TDRD10: variants seen among roughly 807,000 people sequenced by gnomAD.
TDRD10 encodes tudor domain-containing protein 10.
Under a neutral mutation model 48.0 loss-of-function variants are expected in TDRD10, and 40 were observed. That is an observed-to-expected ratio of 0.83 (90% CI 0.65 to 1.09). TDRD10 has a LOEUF of 1.09. TDRD10 is among the 50% of genes least tolerant of loss of function. TDRD10 has a pLI of 0.00. For missense variants in TDRD10, 378 were observed against 434.7 expected, an observed-to-expected ratio of 0.87 and a Z score of 1.16; for synonymous variants, 162 against 170.4, an observed-to-expected ratio of 0.95 and a Z score of 0.38.
chr1:154,529,153 C>G (rs371624372), intron 6 of TDRD10, among the ~76,000 whole-genome samples: 1 of 152,054 alleles, frequency 6.6e-6, no homozygotes, highest in Non-Finnish European at 1.5e-5. Context: ...AATCTCAGCT[C>G]GCTGCAACCT....
intron 8 of TDRD10, among the ~76,000 whole-genome samples, chr1:154,543,708 C>T (rs1695378929): frequency 6.6e-6 from 1 of 152,152 alleles, no homozygotes; most frequent in South Asian, 2.1e-4. Context: ...TTTTGTTTCC[C>T]TCTGCTGCTT....
At chr1:154,528,711 G>A (rs1373234421) in intron 6 of TDRD10, among the ~76,000 whole-genome samples, 3 of 152,018 alleles carry the variant, frequency 2.0e-5, no homozygotes, top group Non-Finnish European at 2.9e-5. Flanking sequence ...AGCTACTCGG[G>A]AAGCTGAGGC....
In TDRD10 at chr1:154,542,774, G is replaced by A. The variant is rs141912752; in HGVS notation, c.456G>A (p.Glu152=). 3.1e-6 allele frequency: 5 copies of A among 1,613,868 alleles called. No individual in the cohort carries two copies. The highest frequency in any genetic ancestry group is 2.2e-5 in the East Asian group (1 of 44,900). Residue 152 remains glutamate, a synonymous_variant, in exon 8 of 13, where the codon GAG becomes GAA. Coordinates refer to ENST00000368482, the MANE Select transcript of TDRD10 (RefSeq NM_182499.4). The stretch of plus-strand genomic sequence containing the variant: ...CTAAAGCTCCTGTTGACCTGTGTGA[G>A]ACAGAGAAACTGAGGGCAGCCTTCT... The part of the protein sequence containing the change: ...LAPKAPVDLC[E]TEKLRAAFFA...
chr1:154,508,528 T>A, intron 4 of TDRD10, 47 bp downstream of exon 4: 1 of 1,256,398 alleles, frequency 8.0e-7, no homozygotes, highest in East Asian at 2.3e-5. Context: ...GGCCTTCCCA[T>A]ATGACTTAGT....
At position 154,507,238 on chromosome 1, in the gene TDRD10, C is replaced by T. The variant is rs1693196726; in HGVS notation, c.3-3C>T. The stretch of plus-strand genomic sequence containing the variant: ...GTTCGATGCTGACACCTGTGTTTGA[C>T]AGGTCCTGGAACATTAGTCACCCCC... On this transcript the variant is annotated splice_region_variant and splice_polypyrimidine_tract_variant and intron_variant, in intron 2 of 12. Transcript: ENST00000368482. 1 of 1,614,026 alleles carries T rather than the reference C, an allele frequency of 6.2e-7. No homozygotes were observed. The highest frequency in any genetic ancestry group is 8.5e-7 in the Non-Finnish European group (1 of 1,180,016).
intron 11 of TDRD10, among the ~76,000 whole-genome samples, chr1:154,545,773 T>G (rs1219386549): frequency 1.1e-5 from 1 of 92,226 alleles, no homozygotes; most frequent in Admixed American, 1.0e-4. Flanking sequence ...AACTAAGTCT[T>G]TTTTTTTTTT....
intron 6 of TDRD10, among the ~76,000 whole-genome samples, chr1:154,538,015 C>G (rs78098548): frequency 6.6e-6 from 1 of 152,080 alleles, no homozygotes; most frequent in Non-Finnish European, 1.5e-5. Context: ...ACAGACACGT[C>G]GGAAATTGGA....
chr1:154,537,451 G>A (rs1482175586), intron 6 of TDRD10, among the ~76,000 whole-genome samples: 2 of 152,226 alleles, frequency 1.3e-5, no homozygotes, highest in East Asian at 3.8e-4. Context: ...AGAATGAGAA[G>A]GAAGCAGTTG....
intron 4 of TDRD10, among the ~76,000 whole-genome samples, chr1:154,517,728 A>G (rs1693852931): frequency 6.6e-6 from 1 of 151,956 alleles, no homozygotes; most frequent in Non-Finnish European, 1.5e-5. Context: ...GGCTTGGACC[A>G]TTTTTTTAAT....
Position 154,547,960 on chromosome 1 carries a change from G to A in TDRD10, c.*250G>A, listed in dbSNP as rs537587983. On this transcript the variant is annotated 3_prime_UTR_variant, in exon 13 of 13. Coordinates refer to ENST00000368482, the MANE Select transcript of TDRD10 (RefSeq NM_182499.4). ...AACCAAACATAGGAAACTACCATTAGGTTGAAAGCCTGAGGCAGCTGGGAT... is the reference window on the plus strand; with the variant it reads ...AACCAAACATAGGAAACTACCATTAAGTTGAAAGCCTGAGGCAGCTGGGAT... The A allele has an allele frequency of 8.8e-6, 5 of 571,184 alleles. No homozygotes were observed. The highest frequency in any genetic ancestry group is 7.5e-5 in the African/African-American group (4 of 53,238). The allele number at this position is 571,184 out of a possible 1,614,324, so 35.4% of individuals were successfully genotyped here.
Position 154,503,676 on chromosome 1 carries a change from G to A in TDRD10, c.-28+647G>A, listed in dbSNP as rs137881605. On this transcript the variant is annotated intron_variant, in intron 1 of 12. Coordinates refer to ENST00000368482, the MANE Select transcript of TDRD10 (RefSeq NM_182499.4). ...TAGTTTACTGAACGGAAATCTTTTG[G>A]TTTAGCAAACTAAATGTGCTGAAGG... Among the ~76,000 whole-genome samples, 483 of 152,296 alleles carry A rather than the reference G, an allele frequency of 3.2e-3. 2 individuals are homozygous for A. Among genetic ancestry groups the A allele is most frequent in the African/African-American group, 0.011 (467 of 41,556 alleles).
intron 6 of TDRD10, among the ~76,000 whole-genome samples, chr1:154,530,142 G>A (rs1694532295): frequency 6.6e-6 from 1 of 151,592 alleles, no homozygotes; most frequent in Non-Finnish European, 1.5e-5. Context: ...AGCCTCCCGA[G>A]GAGCTGGAAT....
intron 6 of TDRD10, 135 bp from the exon 7 acceptor site, chr1:154,541,889 A>G: frequency 1.3e-6 from 1 of 766,876 alleles, no homozygotes; most frequent in Admixed American, 2.7e-5. Context: ...ATGTCTCAAA[A>G]GTCAGCTCTA....
chr1:154,544,726 T>C, intron 10 of TDRD10, 69 bp from the exon 11 acceptor site: 14 of 1,565,088 alleles, frequency 8.9e-6, no homozygotes, highest in Non-Finnish European at 1.2e-5. Context: ...ACATCCACTT[T>C]GTTGAGGACT....
chr1:154,510,476 C>T (rs1693399604), intron 4 of TDRD10, among the ~76,000 whole-genome samples: 1 of 151,774 alleles, frequency 6.6e-6, no homozygotes, highest in Non-Finnish European at 1.5e-5. Context: ...CCTGTAGTCC[C>T]AGCTACTCGG....
intron 1 of TDRD10, among the ~76,000 whole-genome samples, chr1:154,503,367 C>T (rs545557587): frequency 1.3e-5 from 2 of 152,176 alleles, no homozygotes; most frequent in African/African-American, 4.8e-5. Flanking sequence ...GCGGGCAGAT[C>T]ACCTGAGATC....
Position 154,547,831 on chromosome 1 carries a change from C to T in TDRD10, c.*121C>T, listed in dbSNP as rs1269831143. ...GAGGTGAAAAAGGCCAGACTGTGCC[C>T]AGGATTGATTCAATTTTGCTTTTAC... On this transcript the variant is annotated 3_prime_UTR_variant, in exon 13 of 13. Coordinates refer to ENST00000368482, the MANE Select transcript of TDRD10 (RefSeq NM_182499.4). 1 of 1,250,204 alleles carries T rather than the reference C, an allele frequency of 8.0e-7. No individual in the cohort carries two copies. Among genetic ancestry groups the T allele is most frequent in the Admixed American group, 2.1e-5 (1 of 48,568 alleles). 77.4% of individuals were successfully genotyped at this position (1,250,204 alleles called of 1,614,324 possible). A position where few individuals can be genotyped will look rare whatever the true frequency, so the allele number is the denominator to read the frequency against.
At chr1:154,518,112 A>G (rs781264088) in intron 4 of TDRD10, among the ~76,000 whole-genome samples, 1 of 152,232 alleles carries the variant, frequency 6.6e-6, no homozygotes, top group Non-Finnish European at 1.5e-5. Context: ...ATAGCAGGCT[A>G]TCGATCCCTT....
intron 9 of TDRD10, 88 bp downstream of exon 9, chr1:154,544,198 G>A: frequency 1.9e-6 from 3 of 1,593,776 alleles, no homozygotes; most frequent in Non-Finnish European, 2.6e-6. Context: ...CCGGTCAGTG[G>A]TGGAGATGCA....
Sources: gnomAD v4.1 joint callset for allele counts (sites outside exome capture counted in the v4.1 genomes callset) on GRCh38, gnomAD v4.1.1 for gene constraint, MANE v1.5 for transcripts, NCBI Gene and HGNC (gene_info 2026-07-23, HGNC 2026-07-21) for gene names.